RSU1: variants seen among roughly 807,000 people sequenced by gnomAD.
RSU1 encodes rsu-1.
In RSU1, 26 loss-of-function variants were observed where a neutral mutation model predicts 31.1. The ratio of observed to expected loss-of-function variants is 0.84; its 90% CI spans 0.61 to 1.16. The LOEUF is 1.16. RSU1 is among the 50% of genes most tolerant of loss of function. RSU1 has a pLI of 0.00. For synonymous variants in RSU1, 164 were observed against 136.3 expected, an observed-to-expected ratio of 1.20 and a Z score of -1.41; for missense variants, 320 against 339.1, an observed-to-expected ratio of 0.94 and a Z score of 0.44.
At chr10:16,766,314 C>T (rs1837314005) in intron 3 of RSU1, among the ~76,000 whole-genome samples, 1 of 152,256 alleles carries the variant, frequency 6.6e-6, no homozygotes, top group African/African-American at 2.4e-5. Context: ...TGCAAATGAA[C>T]CCTACCTGTA....
intron 8 of RSU1, among the ~76,000 whole-genome samples, chr10:16,637,493 G>A (rs991391815): frequency 6.6e-6 from 1 of 151,184 alleles, no homozygotes; most frequent in Admixed American, 6.6e-5. Flanking sequence ...ACCCACTGGA[G>A]TTTCAGTTCT....
chr10:16,640,791 T>C (rs1329627431), intron 8 of RSU1, among the ~76,000 whole-genome samples: 1 of 152,212 alleles, frequency 6.6e-6, no homozygotes, highest in South Asian at 2.1e-4. Flanking sequence ...CAAGCTCTCA[T>C]AGCACAGCCT....
intron 3 of RSU1, chr10:16,767,158 G>A (rs183220419): frequency 6.6e-6 from 1 of 152,242 alleles, no homozygotes; most frequent in Non-Finnish European, 1.5e-5. Flanking sequence ...CCACCCTCCA[G>A]CTACCACTAA....
intron 8 of RSU1, among the ~76,000 whole-genome samples, chr10:16,593,803 C>T (rs956088781): frequency 6.6e-6 from 1 of 152,110 alleles, no homozygotes. Flanking sequence ...GTGTTTAAGT[C>T]GACAGTGATA....
chr10:16,788,293 T>C (rs966444137), intron 2 of RSU1, among the ~76,000 whole-genome samples: 2 of 152,132 alleles, frequency 1.3e-5, no homozygotes, highest in Non-Finnish European at 2.9e-5. Flanking sequence ...GGCTCCCACC[T>C]TGCTAGGGAC....
At chr10:16,727,767 T>C (rs1044785993) in intron 7 of RSU1, among the ~76,000 whole-genome samples, 2 of 152,154 alleles carry the variant, frequency 1.3e-5, no homozygotes, top group Non-Finnish European at 2.9e-5. Context: ...TGCTAATGAC[T>C]TCTACTTTTA....
At chr10:16,702,745 G>A (rs936029107) in intron 7 of RSU1, among the ~76,000 whole-genome samples, 5 of 152,198 alleles carry the variant, frequency 3.3e-5, no homozygotes, top group Admixed American at 6.5e-5. Flanking sequence ...TCTGAGGTGA[G>A]ACTTTGGACT....
chr10:16,795,353 C>CAAAAA (rs532677802), intron 2 of RSU1, among the ~76,000 whole-genome samples: 1 of 75,210 alleles, frequency 1.3e-5, no homozygotes, highest in African/African-American at 4.8e-5. Flanking sequence ...GACTCCATCT[C>CAAAAA]AAAAAAAAAA....
intron 7 of RSU1, chr10:16,723,293 A>G (rs1836320904): frequency 6.6e-6 from 1 of 152,132 alleles, no homozygotes; most frequent in African/African-American, 2.4e-5. Context: ...CCTTCAGATA[A>G]AAAATTTTCT....
In RSU1 at chr10:16,593,412, C is replaced by T. The variant is rs1833546383; in HGVS notation, c.816G>A (p.Leu272=). 6.2e-7 allele frequency: 1 copy of T among 1,614,018 alleles called. No homozygotes were observed. Among genetic ancestry groups the T allele is most frequent in the South Asian group, 1.1e-5 (1 of 91,074 alleles). ...DKSKKISRKP[L]AAKNR ...CCCTTCCTTATCTGTTCTTGGCTGC[C>T]AGGGGTTTCCGGCTGATCTTTTTCG... Residue 272 remains leucine, a synonymous_variant, in exon 9 of 9, where the codon CTG becomes CTA. Transcript: ENST00000345264.
chr10:16,694,711 C>G (rs1469602422), intron 8 of RSU1, among the ~76,000 whole-genome samples: 1 of 152,064 alleles, frequency 6.6e-6, no homozygotes, highest in African/African-American at 2.4e-5. Context: ...GCTACAATGA[C>G]AAGCATGCAC....
intron 4 of RSU1, among the ~76,000 whole-genome samples, chr10:16,762,050 G>A (rs1208582584): frequency 1.3e-5 from 2 of 152,026 alleles, no homozygotes; most frequent in African/African-American, 2.4e-5. Context: ...ACAACCGCCA[G>A]CATATCTGTG....
chr10:16,652,949 G>C (rs1834713146), intron 8 of RSU1, among the ~76,000 whole-genome samples: 1 of 152,024 alleles, frequency 6.6e-6, no homozygotes, highest in African/African-American at 2.4e-5. Flanking sequence ...AAAGTGCCGA[G>C]ATTACATGCG....
At chr10:16,609,096 T>C (rs572541833) in intron 8 of RSU1, among the ~76,000 whole-genome samples, 1 of 152,134 alleles carries the variant, frequency 6.6e-6, no homozygotes, top group Non-Finnish European at 1.5e-5. Context: ...GCCTGAGACC[T>C]CCTCCTCCTC....
chr10:16,705,467 T>C (rs1391034803), intron 7 of RSU1, among the ~76,000 whole-genome samples: 1 of 152,166 alleles, frequency 6.6e-6, no homozygotes, highest in Admixed American at 6.5e-5. Flanking sequence ...GTTGTTCTGC[T>C]ATTTTTGTTT....
Position 16,695,162 on chromosome 10 carries a change from G to C in RSU1, c.599-7C>G, listed in dbSNP as rs746103753. ...CCAGTTAAATCCAAGTTTCCTGGGGGGGGGGAAAAAAAAAGTGAAGGTCAC... is the reference window on the plus strand; with the variant it reads ...CCAGTTAAATCCAAGTTTCCTGGGGCGGGGGAAAAAAAAAGTGAAGGTCAC... On this transcript the variant is annotated splice_region_variant and splice_polypyrimidine_tract_variant and intron_variant, in intron 7 of 8. Transcript: ENST00000345264. 8 of 1,479,582 alleles carry C rather than the reference G, an allele frequency of 5.4e-6. No homozygotes were observed. Among genetic ancestry groups the C allele is most frequent in the Middle Eastern group, 1.8e-4 (1 of 5,540 alleles). The allele number at this position is 1,479,582 out of a possible 1,614,324, so 91.7% of individuals were successfully genotyped here. A position where few individuals can be genotyped will look rare whatever the true frequency, so the allele number is the denominator to read the frequency against.
chr10:16,666,077 CT>C (rs1361233795), intron 8 of RSU1, among the ~76,000 whole-genome samples: 1 of 152,004 alleles, frequency 6.6e-6, no homozygotes, highest in African/African-American at 2.4e-5. Context: ...TTGGCTTATG[CT>C]TTTTTAAGAT....
intron 8 of RSU1, among the ~76,000 whole-genome samples, chr10:16,648,346 T>G (rs1437208056): frequency 6.6e-6 from 1 of 152,168 alleles, no homozygotes; most frequent in Admixed American, 6.5e-5. Flanking sequence ...TTGGGGAAAC[T>G]AAGGCAGTTC....
At chr10:16,651,345 G>T (rs1834681112) in intron 8 of RSU1, among the ~76,000 whole-genome samples, 1 of 152,192 alleles carries the variant, frequency 6.6e-6, no homozygotes, top group Non-Finnish European at 1.5e-5. Flanking sequence ...TCAAGGAAGT[G>T]TCAGTTCAAA....
Sources: gnomAD v4.1 joint callset for allele counts (sites outside exome capture counted in the v4.1 genomes callset) on GRCh38, gnomAD v4.1.1 for gene constraint, MANE v1.5 for transcripts, NCBI Gene and HGNC (gene_info 2026-07-23, HGNC 2026-07-21) for gene names.